Variants in CTBP2 observed in about 807,000 individuals in gnomAD.
CTBP2 encodes C-terminal-binding protein 2.
In CTBP2, 30 loss-of-function variants were observed where a neutral mutation model predicts 80.3. The ratio of observed to expected loss-of-function variants is 0.37; its 90% CI spans 0.28 to 0.51. The LOEUF (loss-of-function observed/expected upper bound fraction) is 0.51. Among genes scored for constraint, CTBP2 ranks in the 20% least tolerant of loss-of-function variants. CTBP2 has a pLI of 0.93. For synonymous variants in CTBP2, 594 were observed against 587.4 expected (o/e 1.01, Z -0.16); for missense variants, 1,212 against 1,375.3 (o/e 0.88, Z 1.88).
At chr10:125,007,435 C>T (rs536648201) in intron 1 of CTBP2, among the ~76,000 whole-genome samples, 1 of 152,378 alleles carries the variant, frequency 6.6e-6, no homozygotes, top group Non-Finnish European at 1.5e-5. Context: ...AAAGACAACA[C>T]CAGGCCAAAC....
At chr10:125,116,578 C>A (rs1270519011) in intron 1 of CTBP2, among the ~76,000 whole-genome samples, 1 of 152,176 alleles carries the variant, frequency 6.6e-6, no homozygotes, top group African/African-American at 2.4e-5. Flanking sequence ...TCACGCCCAC[C>A]CCTCGGAGGC....
At position 124,986,133 on chromosome 10, in the gene CTBP2, A is replaced by AT. The variant is rs367785110; in HGVS notation, c.*3384_*3385insA. 4 of 152,604 alleles carry AT rather than the reference A, an allele frequency of 2.6e-5. No individual in the cohort carries two copies. Among genetic ancestry groups the AT allele is most frequent in the African/African-American group, 9.7e-5 (4 of 41,438 alleles). The allele number at this position is 152,604 out of a possible 1,614,324, so 9.5% of individuals were successfully genotyped here. ...TCTTAGGTAGAAAAACTTTTTTATA[A>AT]GAAGTATTATTTGACCACTTCAGGT... On this transcript the variant is annotated 3_prime_UTR_variant, in exon 9 of 9. Transcript: ENST00000309035.
intron 1 of CTBP2, among the ~76,000 whole-genome samples, chr10:125,155,516 C>T (rs1860759260): frequency 6.6e-6 from 1 of 152,086 alleles, no homozygotes; most frequent in South Asian, 2.1e-4. Context: ...TAAAAGCAAA[C>T]TCCAGATTAT....
chr10:125,098,696 G>C (rs60197828), intron 2 of CTBP2, among the ~76,000 whole-genome samples: 1,395 of 124,750 alleles, frequency 0.011, 29 homozygotes, highest in South Asian at 0.038. Context: ...GAGAGAGAGA[G>C]AGAGAGAGAG....
intron 2 of CTBP2, among the ~76,000 whole-genome samples, chr10:125,061,611 C>T (rs1564827475): frequency 6.6e-6 from 1 of 152,184 alleles, no homozygotes; most frequent in Non-Finnish European, 1.5e-5. Context: ...GAGGATATAA[C>T]AGCGTCTACG....
At chr10:125,146,282 ATT>A (rs34558482) in intron 1 of CTBP2, among the ~76,000 whole-genome samples, 103 of 136,440 alleles carry the variant, frequency 7.5e-4, no homozygotes, top group Admixed American at 1.0e-3. Context: ...CCTAAGTGAG[ATT>A]TTTTTTTTTT....
At chr10:125,053,696 G>T (rs145923453) in intron 2 of CTBP2, among the ~76,000 whole-genome samples, 3 of 152,210 alleles carry the variant, frequency 2.0e-5, no homozygotes, top group Admixed American at 6.5e-5. Context: ...TCTCAGACAC[G>T]CTCCTGAAGA....
intron 2 of CTBP2, among the ~76,000 whole-genome samples, chr10:125,098,111 ACT>A (rs993043848): frequency 3.9e-5 from 6 of 152,160 alleles, no homozygotes; most frequent in Non-Finnish European, 5.9e-5. Flanking sequence ...ACAGAGCGAG[ACT>A]CTGTCTCAAA....
intron 1 of CTBP2, among the ~76,000 whole-genome samples, chr10:125,020,931 C>T (rs1233541934): frequency 6.6e-6 from 1 of 152,228 alleles, no homozygotes; most frequent in Non-Finnish European, 1.5e-5. Flanking sequence ...TAAGCTTTAA[C>T]AAGACAGAGG....
intron 1 of CTBP2, chr10:125,005,970 C>G (rs1955192369): frequency 6.8e-7 from 1 of 1,472,054 alleles, no homozygotes; most frequent in South Asian, 1.4e-5. Context: ...GGTGGGAATC[C>G]AGAGCCGCTG....
At chr10:125,112,896 T>TAC (rs1852543122) in intron 1 of CTBP2, among the ~76,000 whole-genome samples, 1 of 152,226 alleles carries the variant, frequency 6.6e-6, no homozygotes, top group Admixed American at 6.5e-5. Context: ...GAAGAACTGC[T>TAC]ACACTCATGG....
chr10:125,053,777 A>G (rs1324451946), intron 2 of CTBP2, among the ~76,000 whole-genome samples: 3 of 152,288 alleles, frequency 2.0e-5, no homozygotes, highest in Middle Eastern at 3.4e-3. Flanking sequence ...AGGAAGGGAA[A>G]TGGGAACTTC....
intron 4 of CTBP2, chr10:124,997,558 A>C (rs1000634950): frequency 4.7e-6 from 1 of 214,774 alleles, no homozygotes; most frequent in Non-Finnish European, 9.4e-6. Context: ...CATGTCCATA[A>C]CCCGCGTCTC....
chr10:125,107,008 G>A (rs1157822235), intron 2 of CTBP2, among the ~76,000 whole-genome samples: 1 of 152,224 alleles, frequency 6.6e-6, no homozygotes, highest in Non-Finnish European at 1.5e-5. Flanking sequence ...GAGATGCTCA[G>A]GAGAGAAGAA....
At chr10:125,074,064 T>TG (rs1373260173) in intron 2 of CTBP2, among the ~76,000 whole-genome samples, 1 of 152,188 alleles carries the variant, frequency 6.6e-6, no homozygotes, top group Non-Finnish European at 1.5e-5. Context: ...TTATTTGTGG[T>TG]GGGGGGCCTT....
intron 2 of CTBP2, among the ~76,000 whole-genome samples, chr10:125,110,302 G>C (rs981952444): frequency 1.3e-5 from 2 of 152,150 alleles, no homozygotes; most frequent in Admixed American, 1.3e-4. Context: ...TTGCCACTTT[G>C]AGACTTTAAG....
chr10:125,022,105 C>T (rs560427463), intron 1 of CTBP2, among the ~76,000 whole-genome samples: 15 of 152,384 alleles, frequency 9.8e-5, no homozygotes, highest in African/African-American at 3.6e-4. Context: ...GCACACACTT[C>T]CATCTGCCCC....
intron 4 of CTBP2, 125 bp from the exon 7 acceptor site, chr10:124,994,808 G>T: frequency 1.0e-6 from 1 of 977,572 alleles, no homozygotes; most frequent in Non-Finnish European, 1.6e-6. Flanking sequence ...CAGAGAAACC[G>T]TGTGCCCAAA....
At chr10:125,011,361 T>G (rs991338300) in intron 1 of CTBP2, among the ~76,000 whole-genome samples, 10 of 152,176 alleles carry the variant, frequency 6.6e-5, no homozygotes, top group Admixed American at 5.2e-4. Context: ...CCAGGTAATC[T>G]CCCTTGTAGC....
Sources: gnomAD v4.1 joint callset for allele counts (sites outside exome capture counted in the v4.1 genomes callset) on GRCh38, gnomAD v4.1.1 for gene constraint, MANE v1.5 for transcripts, NCBI Gene and HGNC (gene_info 2026-07-23, HGNC 2026-07-21) for gene names.